ZNF777: variants seen among roughly 807,000 people sequenced by gnomAD.
ZNF777 encodes the protein zinc finger protein 777.
ZNF777 carries 7 observed loss-of-function variants against 72.1 expected under a neutral mutation model. The ratio of observed to expected loss-of-function variants is 0.10; its 90% confidence interval spans 0.06 to 0.18. The LOEUF is 0.18. Among genes scored for constraint, ZNF777 ranks in the 10% least tolerant of loss-of-function variants. The pLI, the probability that ZNF777 is intolerant of heterozygous loss-of-function variation, is 1.00. For synonymous variants in ZNF777, 545 were observed against 483.5 expected (o/e 1.13, Z -1.67); for missense variants, 828 against 1,128.6 (o/e 0.73, Z 3.82).
chr7:149,455,639 G>T lies in ZNF777; in HGVS notation c.384C>A (p.Pro128=). The change falls in exon 2 of 6, where the codon CCC becomes CCA. Residue 128 remains proline (P), a synonymous_variant. Transcript: ENST00000247930. This position sits in a 1 kb window ranked among gnomAD's most constrained non-coding sequence, Gnocchi z 4.2. ...LSHSPHHQEA[P]VHSPEAPEKD... is the part of the protein sequence containing the mutation. ...TCTCAGGAGCTTCAGGGGAGTGAAC[G>T]GGGGCTTCCTGGTGGTGGGGGGAGT... The T allele has an allele frequency of 6.3e-7, 1 of 1,577,846 alleles. No homozygotes were observed.
intron 4 of ZNF777, among the ~76,000 whole-genome samples, chr7:149,445,015 T>C (rs1430042326): frequency 6.6e-6 from 1 of 152,180 alleles, no homozygotes; most frequent in East Asian, 1.9e-4. Context: ...TGGACTTCCA[T>C]CCTTCAGTTT....
chr7:149,448,588 T>TAC (rs1799657547), intron 4 of ZNF777, among the ~76,000 whole-genome samples: 3 of 45,706 alleles, frequency 6.6e-5, no homozygotes, highest in South Asian at 1.0e-3. Flanking sequence ...ACTATATATA[T>TAC]ATATATATAT....
chr7:149,451,999 C>G (rs918589928), intron 3 of ZNF777, among the ~76,000 whole-genome samples: 1 of 151,988 alleles, frequency 6.6e-6, no homozygotes, highest in Non-Finnish European at 1.5e-5. Context: ...GGCACAGTGG[C>G]TCACGCCTGT....
Position 149,436,951 on chromosome 7 carries a change from T to G in ZNF777, c.1088-125A>C. The G allele has an allele frequency of 8.0e-7, 1 of 1,244,218 alleles. No homozygotes were observed. Among genetic ancestry groups the G allele is most frequent in the South Asian group, 1.6e-5 (1 of 62,746 alleles). The allele number at this position is 1,244,218 out of a possible 1,614,324, so 77.1% of individuals were successfully genotyped here. On this transcript the variant is annotated intron_variant, in intron 4 of 5. Transcript: ENST00000247930. This position sits in a 1 kb window ranked among gnomAD's most constrained non-coding sequence, Gnocchi z 5.0. ...TCTTATCTTAGAGACCCTGAAGAAATGTAATATTGAGTTGGAAATGAGTAG... is the reference window on the plus strand; with the variant it reads ...TCTTATCTTAGAGACCCTGAAGAAAGGTAATATTGAGTTGGAAATGAGTAG...
intron 1 of ZNF777, 57 bp from the exon 2 acceptor site, chr7:149,456,094 A>G: frequency 6.7e-7 from 1 of 1,498,584 alleles, no homozygotes; most frequent in Non-Finnish European, 8.9e-7. Flanking sequence ...CAGCTAGCAA[A>G]ATAAAACCCA....
chr7:149,432,450 C>T lies in ZNF777; in HGVS notation c.1822G>A (p.Gly608Arg), dbSNP rs764277448. 16 of 1,613,390 alleles carry T rather than the reference C, an allele frequency of 9.9e-6. No homozygotes were observed. In the East Asian group the frequency reaches 3.3e-4, roughly 34 times the overall value. Reference sequence around the variant, plus strand: ...GCGTGCTTGGGGTTGAACGTGGGCCCGCGTTCGGGTGAGACGCAGCCTCCG... The same window carrying T: ...GCGTGCTTGGGGTTGAACGTGGGCCTGCGTTCGGGTGAGACGCAGCCTCCG... ...VRGGCVSPER[G>R]PTFNPKHALK... is the part of the protein sequence containing the mutation. The change falls in exon 6 of 6, where the codon GGG becomes AGG. Residue 608 changes from glycine to arginine, a missense_variant. By Grantham distance (125) the Gly-to-Arg change is moderately radical (BLOSUM62 -2). Coordinates refer to ENST00000247930, the MANE Select transcript of ZNF777 (RefSeq NM_015694.3).
At chr7:149,440,580 A>T (rs932525916) in intron 4 of ZNF777, among the ~76,000 whole-genome samples, 3 of 151,764 alleles carry the variant, frequency 2.0e-5, no homozygotes, top group Non-Finnish European at 4.4e-5. Flanking sequence ...TTGGTCTCAA[A>T]CACCTGGACT....
rs1799304319 is a variant in ZNF777 at position 149,431,562 on chromosome 7, GCC to G, written c.*212_*213del. 2.1e-6 allele frequency: 1 copy of G among 473,312 alleles called. No individual in the cohort carries two copies. The highest frequency in any genetic ancestry group is 1.6e-5 in the South Asian group (1 of 62,996). The allele number at this position is 473,312 out of a possible 1,614,324, so 29.3% of individuals were successfully genotyped here. Reference sequence around the variant, plus strand: ...GCCCGAAAGGGTTCCCCAGGTCCGCGCCCTCCCCCCTGGGGCCCCCGGGGAAA... The same window carrying G: ...GCCCGAAAGGGTTCCCCAGGTCCGCGCTCCCCCCTGGGGCCCCCGGGGAAA... On this transcript the variant is annotated 3_prime_UTR_variant, in exon 6 of 6. Coordinates refer to ENST00000247930, the MANE Select transcript of ZNF777 (RefSeq NM_015694.3).
intron 4 of ZNF777, among the ~76,000 whole-genome samples, chr7:149,447,512 C>T (rs114689971): frequency 0.036 from 5,438 of 152,264 alleles, 233 homozygotes; most frequent in African/African-American, 0.095. Context: ...CTTAGCACCT[C>T]CCCAGCCCTC....
chr7:149,451,459 G>A (rs566834202), intron 3 of ZNF777, among the ~76,000 whole-genome samples: 1 of 152,310 alleles, frequency 6.6e-6, no homozygotes, highest in East Asian at 1.9e-4. Flanking sequence ...GGGAGGCTGA[G>A]GCAGACGCAT....
intron 4 of ZNF777, among the ~76,000 whole-genome samples, chr7:149,448,559 T>TTATACATATAGTTATA (rs1799653282): frequency 4.1e-5 from 4 of 98,750 alleles, no homozygotes; most frequent in African/African-American, 1.8e-4. Context: ...ATACATATAG[T>TTATACATATAGTTATA]TATATAGTTA....
rs1464964127 is a variant in ZNF777, at chr7:149,455,792, C to T, written c.231G>A (p.Lys77=). ...CGGCAGAACACAGGAGTGAGGGTCCCTTCTGGAGCACATGTGGCATCCGGC... is the reference window on the plus strand; with the variant it reads ...CGGCAGAACACAGGAGTGAGGGTCCTTTCTGGAGCACATGTGGCATCCGGC... ...TSGRMPHVLQ[K]GPSLLCSAAS... The change falls in exon 2 of 6, where the codon AAG becomes AAA. Residue 77 remains lysine, a synonymous_variant. Transcript: ENST00000247930. This position sits in a 1 kb window ranked among gnomAD's most constrained non-coding sequence, Gnocchi z 4.2. The T allele has an allele frequency of 9.3e-6, 15 of 1,611,522 alleles. No individual in the cohort carries two copies. In the African/African-American group the frequency reaches 1.9e-4, roughly 20 times the overall value.
rs1273152316 is a variant in ZNF777 at position 149,431,697 on chromosome 7, C to T, written c.*79G>A. ...GGCTGGGGGGCGCCCCGCCCCCGCCCGCTGGGCTCGGGCCTGGCGGTGTCC... is the reference window on the plus strand; with the variant it reads ...GGCTGGGGGGCGCCCCGCCCCCGCCTGCTGGGCTCGGGCCTGGCGGTGTCC... On this transcript the variant is annotated 3_prime_UTR_variant, in exon 6 of 6. Coordinates refer to ENST00000247930, the MANE Select transcript of ZNF777 (RefSeq NM_015694.3). The T allele has an allele frequency of 4.3e-6, 5 of 1,158,122 alleles. No homozygotes were observed. The African/African-American group carries it at 8.6e-5, about 20-fold the overall frequency. 71.7% of individuals were successfully genotyped at this position (1,158,122 alleles called of 1,614,324 possible).
rs1799810712 is a variant in ZNF777, at chr7:149,455,606, G to C, written c.417C>G (p.Pro139=). Residue 139 remains proline, a synonymous_variant, in exon 2 of 6, where the codon CCC becomes CCG. Coordinates refer to ENST00000247930, the MANE Select transcript of ZNF777 (RefSeq NM_015694.3). This position sits in a 1 kb window ranked among gnomAD's most constrained non-coding sequence, Gnocchi z 4.2. ...VHSPEAPEKD[P]LTLSPTVPET... ...CGGGAACTGTTGGGGAAAGGGTCAGGGGGTCTTTCTCAGGAGCTTCAGGGG... is the reference window on the plus strand; with the variant it reads ...CGGGAACTGTTGGGGAAAGGGTCAGCGGGTCTTTCTCAGGAGCTTCAGGGG... 2 of 1,609,958 alleles carry C rather than the reference G, an allele frequency of 1.2e-6. No individual in the cohort carries two copies. Among genetic ancestry groups the C allele is most frequent in the African/African-American group, 2.7e-5 (2 of 74,606 alleles).
intron 4 of ZNF777, among the ~76,000 whole-genome samples, chr7:149,439,394 T>C (rs1321911069): frequency 2.0e-5 from 3 of 152,176 alleles, no homozygotes; most frequent in Non-Finnish European, 4.4e-5. Context: ...AATAAACATA[T>C]AAAATGCATC....
chr7:149,453,480 A>G (rs1374507777), intron 3 of ZNF777, among the ~76,000 whole-genome samples: 2 of 152,218 alleles, frequency 1.3e-5, no homozygotes, highest in Admixed American at 6.5e-5. Context: ...TATATATGTA[A>G]GTAAAGTATA....
At chr7:149,452,481 A>C (rs185082033) in intron 3 of ZNF777, among the ~76,000 whole-genome samples, 1 of 151,152 alleles carries the variant, frequency 6.6e-6, no homozygotes, top group Non-Finnish European at 1.5e-5. Context: ...ATACAAAAAA[A>C]AATTAGCCAG....
chr7:149,455,251 T>C lies in ZNF777; in HGVS notation c.772A>G (p.Met258Val), dbSNP rs1352879783. 6.2e-7 allele frequency: 1 copy of C among 1,614,224 alleles called. No individual in the cohort carries two copies. The highest frequency in any genetic ancestry group is 8.5e-7 in the Non-Finnish European group (1 of 1,180,038). ...TTTCTGTTTTTCAGCAGGTTCTCCA[T>C]GTTCTCCAGCCGCCTCTGCAGCAGC... ...YGLLQRRLEN[M>V]ENLLKNRNFW... The change falls in exon 2 of 6, where the codon ATG becomes GTG. Residue 258 changes from methionine (M) to valine (V), a missense_variant. Met to Val is a conservative substitution (Grantham distance 21, BLOSUM62 1). This residue lies in a region of ZNF777 where 76 missense variants were observed against 157.3 expected (regional missense o/e 0.48). Coordinates refer to ENST00000247930, the MANE Select transcript of ZNF777 (RefSeq NM_015694.3). This position sits in a 1 kb window ranked among gnomAD's most constrained non-coding sequence, Gnocchi z 4.2.
chr7:149,461,015 A>G lies in ZNF777; in HGVS notation c.-216T>C, dbSNP rs1799939297. Reference sequence around the variant, plus strand: ...TTCCCTTTCAAAACCTGCGCTCACAAAGGGATCTAAGAAACCCGTCACACC... The same window carrying G: ...TTCCCTTTCAAAACCTGCGCTCACAGAGGGATCTAAGAAACCCGTCACACC... On this transcript the variant is annotated 5_prime_UTR_variant, in exon 1 of 6. Coordinates refer to ENST00000247930, the MANE Select transcript of ZNF777 (RefSeq NM_015694.3). 6.6e-6 allele frequency: 1 copy of G among 152,204 alleles called. No individual in the cohort carries two copies. The highest frequency in any genetic ancestry group is 1.5e-5 in the Non-Finnish European group (1 of 68,052). 9.4% of individuals were successfully genotyped at this position (152,204 alleles called of 1,614,324 possible).
Sources: allele counts gnomAD v4.1 joint callset (sites outside exome capture counted in the v4.1 genomes callset), GRCh38; gene constraint gnomAD v4.1.1; regional missense constraint gnomAD v4.1.1; non-coding constraint Gnocchi (gnomAD v3.1); transcripts MANE v1.5; gene names NCBI Gene and HGNC (gene_info 2026-07-23, HGNC 2026-07-21).